The following ZNF286A variants were observed in gnomAD, a reference collection of about 807,000 sequenced individuals.
ZNF286A encodes zinc finger protein 286A.
ZNF286A carries 34 observed loss-of-function variants against 49.3 expected under a neutral mutation model. The ratio of observed to expected loss-of-function variants is 0.69; its 90% CI spans 0.52 to 0.92. The LOEUF is 0.92. Ranked by LOEUF, ZNF286A falls within the 40% of genes least tolerant of loss-of-function variation. The pLI is 0.00. For missense variants in ZNF286A, 462 were observed against 600.2 expected, an observed-to-expected ratio of 0.77 and a Z score of 2.41; for synonymous variants, 155 against 200.4, an observed-to-expected ratio of 0.77 and a Z score of 1.91.
chr17:15,714,591 C>T lies in ZNF286A; in HGVS notation c.335-1468C>T, dbSNP rs149311114. On this transcript the variant is annotated intron_variant, in intron 5 of 5. Transcript: ENST00000583566. ...TTGCAAGATGGATACTGTTATTGCC[C>T]TCTCTTACACATAAGGAAACCGAAG... Among the ~76,000 whole-genome samples the T allele has an allele frequency of 5.5e-3, 831 of 152,184 alleles. 6 individuals are homozygous for T. The highest frequency in any genetic ancestry group is 0.019 in the African/African-American group (792 of 41,536).
At chr17:15,715,561 G>C (rs1023093157) in intron 5 of ZNF286A, among the ~76,000 whole-genome samples, 2 of 151,980 alleles carry the variant, frequency 1.3e-5, no homozygotes, top group African/African-American at 4.8e-5. Context: ...ATCATAGGAG[G>C]TTTTTGATCA....
At position 15,717,331 on chromosome 17, in the gene ZNF286A, C is replaced by G; in HGVS notation, c.*41C>G. The stretch of plus-strand genomic sequence containing the variant: ...GAAGAAATGTAAGTTGGTTTTATCA[C>G]TGTATTAAATACTTGAGTGTTTAGG... On this transcript the variant is annotated 3_prime_UTR_variant, in exon 6 of 6. Transcript: ENST00000583566. 2.2e-6 allele frequency: 3 copies of G among 1,385,094 alleles called. No individual in the cohort carries two copies. Among genetic ancestry groups the G allele is most frequent in the Non-Finnish European group, 2.9e-6 (3 of 1,020,798 alleles). 85.8% of individuals were successfully genotyped at this position (1,385,094 alleles called of 1,614,324 possible). A position where few individuals can be genotyped will look rare whatever the true frequency, so the allele number is the denominator to read the frequency against.
chr17:15,704,239 C>A, intron 3 of ZNF286A: 1 of 1,600,084 alleles, frequency 6.2e-7, no homozygotes, highest in Non-Finnish European at 8.5e-7. Flanking sequence ...CCACTACAGC[C>A]GCCGCAGCGC....
chr17:15,703,156 C>T (rs1231973365), intron 3 of ZNF286A, among the ~76,000 whole-genome samples: 1 of 152,232 alleles, frequency 6.6e-6, no homozygotes, highest in East Asian at 1.9e-4. Flanking sequence ...CACGCACAAA[C>T]ATCCCACCCA....
Position 15,716,424 on chromosome 17 carries a change from C to T in ZNF286A, c.700C>T (p.Gln234Ter). Residue 234 changes from glutamine to a stop codon, truncating the protein, a stop_gained, in exon 6 of 6, where the codon CAG becomes TAG. Transcript: ENST00000583566. LOFTEE classifies it high-confidence loss of function. ...LKQKSNLMKK[Q>*]RTYKEKKPHK... ...ACAAAAATCAAACTTAATGAAAAAG[C>T]AGAGAACTTATAAAGAGAAAAAACC... 6.2e-7 allele frequency: 1 copy of T among 1,613,240 alleles called. No individual in the cohort carries two copies. The highest frequency in any genetic ancestry group is 1.1e-5 in the South Asian group (1 of 91,024).
At chr17:15,711,869 C>G (rs866831025) in intron 5 of ZNF286A, among the ~76,000 whole-genome samples, 2 of 87,580 alleles carry the variant, frequency 2.3e-5, no homozygotes, top group African/African-American at 4.4e-5. Flanking sequence ...TGCCCCCCCC[C>G]CGGCTTTTTT....
rs1466377889 is a variant in ZNF286A at position 15,704,291 on chromosome 17, C to T, written c.127-2096C>T. The T allele has an allele frequency of 3.7e-6, 6 of 1,609,236 alleles. No individual in the cohort carries two copies. In the Admixed American group the frequency reaches 5.0e-5, roughly 13 times the overall value. ...TTTTTCTTGGCCGCCAGCTTCTTAT[C>T]GCGCTCGCCAGCATGCTTCTTGGCC... On this transcript the variant is annotated intron_variant, in intron 3 of 5. Transcript: ENST00000583566.
chr17:15,704,882 T>A, intron 3 of ZNF286A: 1 of 1,610,942 alleles, frequency 6.2e-7, no homozygotes, highest in Non-Finnish European at 8.5e-7. Flanking sequence ...GGGGGCAGTT[T>A]CTCCACGTTG....
At chr17:15,710,917 A>ATTT (rs57532299) in intron 5 of ZNF286A, among the ~76,000 whole-genome samples, 1 of 144,904 alleles carries the variant, frequency 6.9e-6, no homozygotes, top group Non-Finnish European at 1.5e-5. Context: ...TACAAGTTTA[A>ATTT]TTTTTTTTTT....
chr17:15,707,432 TAA>T (rs374776604), intron 4 of ZNF286A, among the ~76,000 whole-genome samples: 2 of 131,874 alleles, frequency 1.5e-5, no homozygotes, highest in African/African-American at 2.8e-5. Context: ...AGACTCTGTC[TAA>T]AAAAAAAAAA....
chr17:15,716,142 G>T lies in ZNF286A; in HGVS notation c.418G>T (p.Asp140Tyr), dbSNP rs766577713. The change falls in exon 6 of 6, where the codon GAC (aspartate) becomes TAC (tyrosine). Residue 140 changes from aspartate (D) to tyrosine (Y), a missense_variant. Asp to Tyr is a radical substitution (Grantham distance 160, BLOSUM62 -3). This residue lies in a region of ZNF286A where 259 missense variants were observed against 272.2 expected (regional missense o/e 0.95). Transcript: ENST00000583566. ...KAESCKVAII[D>Y]RLTRNSVYDS... Reference sequence around the variant, plus strand: ...AGAATCATGCAAAGTTGCAATAATAGACAGACTGACACGGAATAGTGTCTA... The same window carrying T: ...AGAATCATGCAAAGTTGCAATAATATACAGACTGACACGGAATAGTGTCTA... 1.5e-5 allele frequency: 25 copies of T among 1,613,852 alleles called. No individual in the cohort carries two copies. Among genetic ancestry groups the T allele is most frequent in the Non-Finnish European group, 2.1e-5 (25 of 1,179,812 alleles).
chr17:15,710,576 C>A (rs2151469724), intron 5 of ZNF286A, among the ~76,000 whole-genome samples: 1 of 152,180 alleles, frequency 6.6e-6, no homozygotes, highest in South Asian at 2.1e-4. Flanking sequence ...CTGTCTATGT[C>A]TAATACCAGA....
chr17:15,701,292 G>A, intron 3 of ZNF286A, 52 bp downstream of exon 3: 2 of 1,555,302 alleles, frequency 1.3e-6, no homozygotes, highest in East Asian at 2.3e-5. Flanking sequence ...GAGTACAGAT[G>A]CACTCCCTTC....
intron 5 of ZNF286A, 171 bp from the exon 6 acceptor site, chr17:15,715,888 T>G: frequency 6.8e-7 from 1 of 1,474,476 alleles, no homozygotes; most frequent in Non-Finnish European, 9.0e-7. Context: ...CTGCATAGTC[T>G]GAGCATTTGT....
chr17:15,713,002 A>G (rs1411354122), intron 5 of ZNF286A, among the ~76,000 whole-genome samples: 1 of 152,132 alleles, frequency 6.6e-6, no homozygotes, highest in South Asian at 2.1e-4. Flanking sequence ...ATTGTTAAAG[A>G]CCCTAAAGAT....
At chr17:15,704,286 C>G in intron 3 of ZNF286A, 2 of 1,609,168 alleles carry the variant, frequency 1.2e-6, no homozygotes, top group Non-Finnish European at 1.7e-6. Context: ...CCGCCAGCTT[C>G]TTATCGCGCT....
Position 15,716,439 on chromosome 17 carries a change from G to A in ZNF286A, c.715G>A (p.Glu239Lys). Residue 239 changes from glutamate (E) to lysine (K), a missense_variant, in exon 6 of 6, where the codon GAG becomes AAG. Coordinates refer to ENST00000583566, the MANE Select transcript of ZNF286A (RefSeq NM_001130842.2). ...NLMKKQRTYKEKKPHKCNDCG... is the reference protein window; with the variant it reads ...NLMKKQRTYKKKKPHKCNDCG... Reference sequence around the variant, plus strand: ...AATGAAAAAGCAGAGAACTTATAAAGAGAAAAAACCTCATAAATGTAATGA... The same window carrying A: ...AATGAAAAAGCAGAGAACTTATAAAAAGAAAAAACCTCATAAATGTAATGA... The A allele has an allele frequency of 6.2e-7, 1 of 1,613,192 alleles. No individual in the cohort carries two copies.
In ZNF286A at chr17:15,709,417, A is replaced by G. The variant is rs576649569; in HGVS notation, c.334+1170A>G. Among the ~76,000 whole-genome samples the G allele has an allele frequency of 1.6e-3, 239 of 151,924 alleles. 2 individuals carry two copies. Among genetic ancestry groups the G allele is most frequent in the Non-Finnish European group, 2.9e-3 (199 of 67,964 alleles). On this transcript the variant is annotated intron_variant, in intron 5 of 5. Transcript: ENST00000583566. ...TGAGGCAGGAGAATTGCTTGAACCC[A>G]GGAGGCAGAGGTTGCAGTGAGCCGA...
intron 3 of ZNF286A, chr17:15,704,668 T>G: frequency 6.2e-7 from 1 of 1,613,876 alleles, no homozygotes; most frequent in Non-Finnish European, 8.5e-7. Context: ...GGTCAGGAAG[T>G]AGCCCTTGGG....
Sources: allele counts gnomAD v4.1 joint callset (sites outside exome capture counted in the v4.1 genomes callset), GRCh38; gene constraint gnomAD v4.1.1; regional missense constraint gnomAD v4.1.1; transcripts MANE v1.5; gene names NCBI Gene and HGNC (gene_info 2026-07-23, HGNC 2026-07-21).